The following PPIL2 variants were observed in gnomAD, a reference collection of about 807,000 sequenced individuals.
PPIL2 encodes the protein peptidylprolyl isomerase like 2.
PPIL2 carries 50 observed loss-of-function variants against 75.2 expected under a neutral mutation model. The ratio of observed to expected loss-of-function variants is 0.66; its 90% CI spans 0.53 to 0.84. The LOEUF is 0.84. Among genes scored for constraint, PPIL2 ranks in the 40% least tolerant of loss-of-function variants. PPIL2 has a pLI of 0.00. For synonymous variants in PPIL2, 245 were observed against 258.8 expected (o/e 0.95, Z 0.51); for missense variants, 590 against 685.0 (o/e 0.86, Z 1.55).
At chr22:21,669,779 C>A in intron 1 of PPIL2, 134 bp from the exon 2 acceptor site, 1 of 880,330 alleles carries the variant, frequency 1.1e-6, no homozygotes, top group Non-Finnish European at 1.9e-6. Flanking sequence ...GGATTACAGG[C>A]GTTAGCCACC....
At chr22:21,666,591 C>G (rs2066391470) in intron 1 of PPIL2, among the ~76,000 whole-genome samples, 1 of 152,146 alleles carries the variant, frequency 6.6e-6, no homozygotes, top group South Asian at 2.1e-4. Context: ...GGCGGATCAC[C>G]TGAGGTCAGG....
chr22:21,695,542 T>G lies in PPIL2; in HGVS notation c.*52T>G. 6.4e-7 allele frequency: 1 copy of G among 1,554,544 alleles called. No homozygotes were observed. Among genetic ancestry groups the G allele is most frequent in the Non-Finnish European group, 8.7e-7 (1 of 1,149,020 alleles). On this transcript the variant is annotated 3_prime_UTR_variant, in exon 20 of 20. Coordinates refer to ENST00000398831, the MANE Select transcript of PPIL2 (RefSeq NM_014337.4). ...GTGGGGTTGCAGGGCTGGGGGCCCA[T>G]GTCCACATCTCCATTTCCAGCCTTT... is the stretch of plus-strand genomic sequence containing the variant.
rs185833263 is a variant in PPIL2 at position 21,684,393 on chromosome 22, A to G, written c.554-360A>G. Among the ~76,000 whole-genome samples, 11 of 136,612 alleles carry G rather than the reference A, an allele frequency of 8.1e-5. No homozygotes were observed. The East Asian group carries it at 2.5e-3, about 31-fold the overall frequency. The allele number at this position is 136,612 out of a possible 152,430, so 89.6% of individuals were successfully genotyped here. A position where few individuals can be genotyped will look rare whatever the true frequency, so the allele number is the denominator to read the frequency against. On this transcript the variant is annotated intron_variant, in intron 9 of 19. Coordinates refer to ENST00000398831, the MANE Select transcript of PPIL2 (RefSeq NM_014337.4). ...CGTGAACCTGGGAGGCAGAACTTGC[A>G]GTGAGCCGAGATTGCACCACTGCAC...
chr22:21,694,733 A>G, intron 17 of PPIL2, 22 bp from the exon 18 acceptor site: 1 of 1,611,308 alleles, frequency 6.2e-7, no homozygotes, highest in Non-Finnish European at 8.5e-7. Context: ...CCTGCCGTGC[A>G]CTGAGCCCCC....
chr22:21,697,979 G>A (rs151083513), downstream of PPIL2: 6 of 152,430 alleles, frequency 3.9e-5, no homozygotes, highest in African/African-American at 1.2e-4. Context: ...AATACTGTGT[G>A]TATAAAACAA....
At position 21,681,371 on chromosome 22, in the gene PPIL2, G is replaced by A; in HGVS notation, c.368G>A (p.Gly123Asp). The part of the protein sequence containing the change: ...NTHIVAVRTT[G>D]NVYAYEAVEQ... ...CACATCGTGGCTGTGAGGACGACCG[G>A]CAACGTCTACGCCTATGAGGTGTGT... The change falls in exon 7 of 20, where the codon GGC (glycine) becomes GAC (aspartate). Residue 123 changes from glycine to aspartate, a missense_variant. Transcript: ENST00000398831. The A allele has an allele frequency of 6.2e-7, 1 of 1,613,830 alleles. No individual in the cohort carries two copies. The highest frequency in any genetic ancestry group is 8.5e-7 in the Non-Finnish European group (1 of 1,179,694).
rs1490132089 is a variant in PPIL2, at chr22:21,696,461, ACT to A, written c.*974_*975del. 9.1e-6 allele frequency: 11 copies of A among 1,207,182 alleles called. No individual in the cohort carries two copies. The highest frequency in any genetic ancestry group is 3.8e-5 in the Admixed American group (1 of 26,056). 74.8% of individuals were successfully genotyped at this position (1,207,182 alleles called of 1,614,324 possible). A position where few individuals can be genotyped will look rare whatever the true frequency, so the allele number is the denominator to read the frequency against. ...ACTCTGCTCCTCCTGTCAGTCACTG[ACT>A]CTGATGGCCTTGGGCCAGCTGCATC... On this transcript the variant is annotated 3_prime_UTR_variant, in exon 20 of 20. Coordinates refer to ENST00000398831, the MANE Select transcript of PPIL2 (RefSeq NM_014337.4).
At chr22:21,667,152 ATTT>A (rs747410460) in intron 1 of PPIL2, among the ~76,000 whole-genome samples, 14,706 of 105,990 alleles carry the variant, frequency 0.14, 658 homozygotes, top group Middle Eastern at 0.17. Context: ...CTCAGTCCTC[ATTT>A]TTTTTTTTTT....
At chr22:21,687,319 G>T (rs1279170009) in intron 12 of PPIL2, among the ~76,000 whole-genome samples, 1 of 152,176 alleles carries the variant, frequency 6.6e-6, no homozygotes, top group Admixed American at 6.5e-5. Flanking sequence ...TCCGTGCCCA[G>T]TGTGGCTGGG....
In PPIL2 at chr22:21,688,746, T is replaced by C. The variant is rs1235570046; in HGVS notation, c.1036T>C (p.Trp346Arg). 2 of 1,614,060 alleles carry C rather than the reference T, an allele frequency of 1.2e-6. No homozygotes were observed. Among genetic ancestry groups the C allele is most frequent in the East Asian group, 2.2e-5 (1 of 44,888 alleles). ...TTCTCTTCCAGGTGGGGAGTCATAC[T>C]GGGGGAAGCCCTTCAAAGACGAGTT... ...TGTGTGGESY[W>R]GKPFKDEFRP... The change falls in exon 15 of 20, where the codon TGG (tryptophan) becomes CGG (arginine). Residue 346 changes from tryptophan to arginine, a missense_variant. Physicochemically the swap from Trp to Arg is moderately radical, Grantham distance 101. Transcript: ENST00000398831.
Position 21,697,173 on chromosome 22 carries a change from C to T in PPIL2, c.*1683C>T. The stretch of plus-strand genomic sequence containing the variant: ...TAAGAGGCTCAGACACCAAGCTGGG[C>T]CTGCAGAGGAGGGGCACAGTAGGAC... On this transcript the variant is annotated 3_prime_UTR_variant, in exon 20 of 20. Transcript: ENST00000398831. The T allele has an allele frequency of 1.6e-6, 1 of 644,236 alleles. No homozygotes were observed. The highest frequency in any genetic ancestry group is 1.9e-5 in the South Asian group (1 of 51,732). 39.9% of individuals were successfully genotyped at this position (644,236 alleles called of 1,614,324 possible).
rs561794505 is a variant in PPIL2, at chr22:21,670,878, G to A, written c.129-119G>A. The A allele has an allele frequency of 2.2e-5, 23 of 1,043,952 alleles. 1 individual carries two copies. In the South Asian group the frequency reaches 2.8e-4, roughly 13 times the overall value. The allele number at this position is 1,043,952 out of a possible 1,614,324, so 64.7% of individuals were successfully genotyped here. A position where few individuals can be genotyped will look rare whatever the true frequency, so the allele number is the denominator to read the frequency against. On this transcript the variant is annotated intron_variant, in intron 3 of 19. Coordinates refer to ENST00000398831, the MANE Select transcript of PPIL2 (RefSeq NM_014337.4). ...GGTTGGTGAGAGAGGGAGGTGGCCA[G>A]GCTGCCCAGAGAGGGCTCCCTGGGA...
At chr22:21,695,210 C>A in intron 19 of PPIL2, 140 bp downstream of exon 19, 1 of 1,363,986 alleles carries the variant, frequency 7.3e-7, no homozygotes, top group Non-Finnish European at 9.7e-7. Context: ...GCCTCTGCAG[C>A]CGAGGGACTG....
At position 21,681,328 on chromosome 22, in the gene PPIL2, G is replaced by A. The variant is rs777187277; in HGVS notation, c.325G>A (p.Val109Met). 15 of 1,613,978 alleles carry A rather than the reference G, an allele frequency of 9.3e-6. No individual in the cohort carries two copies. Among genetic ancestry groups the A allele is most frequent in the African/African-American group, 5.3e-5 (4 of 74,926 alleles). The change falls in exon 7 of 20, where the codon GTG (valine) becomes ATG (methionine). Residue 109 changes from valine to methionine, a missense_variant. Coordinates refer to ENST00000398831, the MANE Select transcript of PPIL2 (RefSeq NM_014337.4). Reference sequence around the variant, plus strand: ...GTACCACTGCCCAGTGCTGTTTACCGTGTTCACCAACAACACCCACATCGT... The same window carrying A: ...GTACCACTGCCCAGTGCTGTTTACCATGTTCACCAACAACACCCACATCGT... ...GKYHCPVLFTVFTNNTHIVAV... is the reference protein window; with the variant it reads ...GKYHCPVLFTMFTNNTHIVAV...
At chr22:21,697,961 GTA>G (rs572982224), downstream of PPIL2, 1 of 152,206 alleles carries the variant, frequency 6.6e-6, no homozygotes, top group Admixed American at 6.5e-5. Context: ...AAGCATTAAG[GTA>G]TAAAAAATAC....
rs752818480 is a variant in PPIL2 at position 21,697,219 on chromosome 22, C to G, written c.*1729C>G. The G allele has an allele frequency of 6.9e-5, 39 of 561,344 alleles. No homozygotes were observed. The highest frequency in any genetic ancestry group is 1.2e-4 in the Non-Finnish European group (38 of 313,660). The allele number at this position is 561,344 out of a possible 1,614,324, so 34.8% of individuals were successfully genotyped here. Reference sequence around the variant, plus strand: ...AGGACACAGTGACTGCCCAGGTGTCCACACACCTGTAGGCCTCTGAGCCAG... The same window carrying G: ...AGGACACAGTGACTGCCCAGGTGTCGACACACCTGTAGGCCTCTGAGCCAG... On this transcript the variant is annotated 3_prime_UTR_variant, in exon 20 of 20. Coordinates refer to ENST00000398831, the MANE Select transcript of PPIL2 (RefSeq NM_014337.4).
chr22:21,697,191 A>G lies in PPIL2; in HGVS notation c.*1701A>G. On this transcript the variant is annotated 3_prime_UTR_variant, in exon 20 of 20. Coordinates refer to ENST00000398831, the MANE Select transcript of PPIL2 (RefSeq NM_014337.4). ...AGCTGGGCCTGCAGAGGAGGGGCACAGTAGGACACAGTGACTGCCCAGGTG... is the reference window on the plus strand; with the variant it reads ...AGCTGGGCCTGCAGAGGAGGGGCACGGTAGGACACAGTGACTGCCCAGGTG... 1.7e-6 allele frequency: 1 copy of G among 598,168 alleles called. No homozygotes were observed. Among genetic ancestry groups the G allele is most frequent in the Non-Finnish European group, 2.9e-6 (1 of 339,812 alleles). 37.1% of individuals were successfully genotyped at this position (598,168 alleles called of 1,614,324 possible).
intron 8 of PPIL2, 89 bp downstream of exon 8, chr22:21,682,615 C>T: frequency 2.9e-6 from 2 of 685,608 alleles, no homozygotes; most frequent in South Asian, 2.3e-5. Flanking sequence ...ACGTCAGGGC[C>T]CCTCATATCT....
rs747915465 is a variant in PPIL2 at position 21,688,043 on chromosome 22, T to C, written c.988-30T>C. ...GCGGTGGGCCTCGGGTCTCAGAGTG[T>C]GACTTGCTCACTGGCTTTTGTTTTC... On this transcript the variant is annotated intron_variant, in intron 13 of 19. Coordinates refer to ENST00000398831, the MANE Select transcript of PPIL2 (RefSeq NM_014337.4). 4 of 1,614,118 alleles carry C rather than the reference T, an allele frequency of 2.5e-6. No individual in the cohort carries two copies. The Admixed American group carries it at 6.7e-5, about 27-fold the overall frequency.
Sources: allele counts gnomAD v4.1 joint callset (sites outside exome capture counted in the v4.1 genomes callset), GRCh38; gene constraint gnomAD v4.1.1; transcripts MANE v1.5; gene names NCBI Gene and HGNC (gene_info 2026-07-23, HGNC 2026-07-21).